Variants in SHTN1 observed in about 807,000 individuals in gnomAD.
The protein encoded by SHTN1 is shootin 1.
SHTN1 carries 42 observed loss-of-function variants against 83.1 expected under a neutral mutation model. The ratio of observed to expected loss-of-function variants is 0.51; its 90% confidence interval spans 0.39 to 0.65. SHTN1 has a LOEUF of 0.65. Ranked by LOEUF, SHTN1 falls within the 30% of genes least tolerant of loss-of-function variation. SHTN1 has a pLI of 0.00. For missense variants in SHTN1, 622 were observed against 737.8 expected, an observed-to-expected ratio of 0.84 and a Z score of 1.82; for synonymous variants, 224 against 247.7, an observed-to-expected ratio of 0.90 and a Z score of 0.90.
chr10:117,078,088 C>T (rs1044197370), intron 1 of SHTN1, among the ~76,000 whole-genome samples: 2 of 152,166 alleles, frequency 1.3e-5, no homozygotes, highest in Non-Finnish European at 1.5e-5. Flanking sequence ...AGCAAACTTC[C>T]CATTCTATGG....
At chr10:117,101,255 C>T in intron 1 of SHTN1, among the ~76,000 whole-genome samples, 1 of 152,170 alleles carries the variant, frequency 6.6e-6, no homozygotes, top group East Asian at 1.9e-4. Context: ...TCTTGGTCTT[C>T]TCCAAGCTTT....
At chr10:116,994,566 T>C (rs1851562142) in intron 1 of SHTN1, among the ~76,000 whole-genome samples, 1 of 152,148 alleles carries the variant, frequency 6.6e-6, no homozygotes, top group Non-Finnish European at 1.5e-5. Context: ...ATCAAGATGA[T>C]TCCCTGTGCT....
intron 1 of SHTN1, among the ~76,000 whole-genome samples, chr10:117,093,332 C>T (rs947441813): frequency 6.6e-6 from 1 of 152,034 alleles, no homozygotes; most frequent in Non-Finnish European, 1.5e-5. Context: ...ACTTCACAAT[C>T]ACTATCTTTC....
chr10:117,115,379 C>G (rs911124943), intron 1 of SHTN1, among the ~76,000 whole-genome samples: 3 of 151,956 alleles, frequency 2.0e-5, no homozygotes, highest in Non-Finnish European at 4.4e-5. Flanking sequence ...CAATAAATAG[C>G]AGCTAAAGAA....
intron 2 of SHTN1, among the ~76,000 whole-genome samples, chr10:116,970,180 TG>T (rs1850559013): frequency 6.6e-6 from 1 of 152,152 alleles, no homozygotes; most frequent in South Asian, 2.1e-4. Context: ...CATAGACCAC[TG>T]ATGGATGTGT....
At chr10:117,056,005 G>C (rs1852821562) in intron 1 of SHTN1, among the ~76,000 whole-genome samples, 2 of 152,124 alleles carry the variant, frequency 1.3e-5, no homozygotes, top group Non-Finnish European at 2.9e-5. Context: ...AATACCACAA[G>C]TTACCAAAAC....
intron 1 of SHTN1, among the ~76,000 whole-genome samples, chr10:116,998,074 A>C (rs954318844): frequency 2.0e-5 from 3 of 152,182 alleles, no homozygotes; most frequent in Non-Finnish European, 4.4e-5. Flanking sequence ...CCTGGGGGAC[A>C]GAGCGAGACT....
At chr10:117,099,243 G>A (rs1374460662) in intron 1 of SHTN1, among the ~76,000 whole-genome samples, 1 of 152,028 alleles carries the variant, frequency 6.6e-6, no homozygotes, top group African/African-American at 2.4e-5. Flanking sequence ...GGGGAGGTAA[G>A]GAGGGGTGAG....
intron 1 of SHTN1, among the ~76,000 whole-genome samples, chr10:117,053,019 C>CAAAAAAA (rs57069034): frequency 0.11 from 1,284 of 11,448 alleles, 318 homozygotes; most frequent in African/African-American, 0.15. Flanking sequence ...GACTGTGTCT[C>CAAAAAAA]AAAAAAAAAA....
chr10:117,086,887 G>T lies in SHTN1; in HGVS notation c.-188-38377C>A, dbSNP rs548141075. Among the ~76,000 whole-genome samples, 4 of 152,304 alleles carry T rather than the reference G, an allele frequency of 2.6e-5. No individual in the cohort carries two copies. The South Asian group carries it at 6.2e-4, about 24-fold the overall frequency. ...CAATATATGAGTGGATAAACAAAAT[G>T]TGGCACATACATATGATGGAATATT... On this transcript the variant is annotated intron_variant, in intron 1 of 17. Coordinates refer to the SHTN1 transcript ENST00000392901.
intron 2 of SHTN1, among the ~76,000 whole-genome samples, chr10:117,045,173 G>A (rs899936232): frequency 6.6e-6 from 1 of 152,102 alleles, no homozygotes; most frequent in Non-Finnish European, 1.5e-5. Flanking sequence ...AATGGTATCA[G>A]CAGAAATAAA....
At chr10:116,906,468 A>G (rs1365390660) in intron 15 of SHTN1, among the ~76,000 whole-genome samples, 159 bp downstream of exon 15, 1 of 152,252 alleles carries the variant, frequency 6.6e-6, no homozygotes, top group African/African-American at 2.4e-5. Context: ...TTCTTATGAG[A>G]TATCCATAAA....
At chr10:116,975,917 A>C (rs1406811006) in intron 2 of SHTN1, among the ~76,000 whole-genome samples, 2 of 152,244 alleles carry the variant, frequency 1.3e-5, no homozygotes, top group Non-Finnish European at 2.9e-5. Flanking sequence ...GGTAAAGATA[A>C]ATGACCCAGA....
chr10:116,884,759 TA>T lies in SHTN1; in HGVS notation c.*1584del, dbSNP rs1847114008. 1 of 156,942 alleles carries T rather than the reference TA, an allele frequency of 6.4e-6. No individual in the cohort carries two copies. The highest frequency in any genetic ancestry group is 2.4e-5 in the African/African-American group (1 of 41,470). The allele number at this position is 156,942 out of a possible 1,614,324, so 9.7% of individuals were successfully genotyped here. ...TTAAAGAATGTCAAGCTTGGGGAAC[TA>T]AACCAGAAACGTTAATAATAACCAC... is the stretch of plus-strand genomic sequence containing the variant. On this transcript the variant is annotated 3_prime_UTR_variant, in exon 17 of 17. Transcript: ENST00000355371.
chr10:117,010,187 C>T (rs1233125824), upstream of SHTN1, among the ~76,000 whole-genome samples: 81 of 25,758 alleles, frequency 3.1e-3, no homozygotes, highest in Non-Finnish European at 0.027. Context: ...CCTAAATTAA[C>T]GAAGAAAAAA....
chr10:117,002,207 GAATC>G (rs1851845040), intron 1 of SHTN1, among the ~76,000 whole-genome samples: 1 of 152,098 alleles, frequency 6.6e-6, no homozygotes, highest in Non-Finnish European at 1.5e-5. Context: ...TTTCTTCTAA[GAATC>G]TATCCTAGAA....
At position 116,886,351 on chromosome 10, in the gene SHTN1, T is replaced by C. The variant is rs1847162170; in HGVS notation, c.1889A>G (p.Asn630Ser). Residue 630 changes from asparagine (N) to serine (S), a missense_variant, in exon 17 of 17, where the codon AAC becomes AGC. Transcript: ENST00000355371. ...AGGCTTCTGGTTTATGGATCAGCAG[T>C]TGGAGCTGTCTGTCTCTCTCACGTT... is the stretch of plus-strand genomic sequence containing the variant. The part of the protein sequence containing the change: ...IENVRETDSS[N>S]C The C allele has an allele frequency of 6.4e-7, 1 of 1,553,204 alleles. No individual in the cohort carries two copies. The highest frequency in any genetic ancestry group is 1.4e-5 in the African/African-American group (1 of 73,238).
Position 116,979,993 on chromosome 10 carries a change from G to A in SHTN1, c.59-685C>T, listed in dbSNP as rs139957890. Among the ~76,000 whole-genome samples, 38 of 150,996 alleles carry A rather than the reference G, an allele frequency of 2.5e-4. No individual in the cohort carries two copies. In the East Asian group the frequency reaches 7.7e-3, roughly 30 times the overall value. ...TCATTTCACTAAATGGGGAAGATAT[G>A]TTAAACTGTTTGAAAATATTATCCA... On this transcript the variant is annotated intron_variant, in intron 1 of 16. Transcript: ENST00000355371.
intron 4 of SHTN1, among the ~76,000 whole-genome samples, chr10:116,955,749 T>A (rs987238418): frequency 3.1e-4 from 47 of 152,142 alleles, no homozygotes; most frequent in Non-Finnish European, 7.3e-5. Flanking sequence ...TCAGGAAGAA[T>A]CTCTAAGAAA....
Sources: gnomAD v4.1 joint callset for allele counts (sites outside exome capture counted in the v4.1 genomes callset) on GRCh38, gnomAD v4.1.1 for gene constraint, MANE v1.5 for transcripts, NCBI Gene and HGNC (gene_info 2026-07-23, HGNC 2026-07-21) for gene names.